The following EIF3E variants were observed in gnomAD, a reference collection of about 807,000 sequenced individuals.
EIF3E encodes eIF-3 p48.
In EIF3E, 25 loss-of-function variants were observed where a neutral mutation model predicts 59.3. That is an observed-to-expected ratio of 0.42 (90% CI 0.31 to 0.59). The LOEUF is 0.59. Among genes scored for constraint, EIF3E ranks in the 20% least tolerant of loss-of-function variants. The pLI is 0.15. For missense variants in EIF3E, 317 were observed against 534.3 expected (o/e 0.59, Z 4.01); for synonymous variants, 176 against 170.2 (o/e 1.03, Z -0.26).
chr8:108,214,841 TAGAAC>T, intron 9 of EIF3E, 125 bp from the exon 10 acceptor site: 4 of 748,912 alleles, frequency 5.3e-6, no homozygotes, highest in Non-Finnish European at 8.7e-6. Context: ...CAGCACTTTC[TAGAAC>T]ACTGTGTTCA....
At chr8:108,238,566 AT>A (rs761047568) in intron 3 of EIF3E, among the ~76,000 whole-genome samples, 16 of 152,136 alleles carry the variant, frequency 1.1e-4, no homozygotes, top group Non-Finnish European at 2.1e-4. Context: ...TTCCCTGAAT[AT>A]TTTCAATCTG....
At chr8:108,223,556 G>T (rs637626) in intron 7 of EIF3E, among the ~76,000 whole-genome samples, 76,265 of 151,964 alleles carry the variant, frequency 0.5, 19,189 homozygotes, top group African/African-American at 0.58. Flanking sequence ...TATTTTTATT[G>T]AGAAAACAAA....
intron 10 of EIF3E, among the ~76,000 whole-genome samples, 172 bp from the exon 11 acceptor site, chr8:108,203,675 G>C: frequency 6.6e-6 from 1 of 151,990 alleles, no homozygotes; most frequent in East Asian, 1.9e-4. Context: ...TGTGCCTATT[G>C]ACTTGTACTA....
intron 7 of EIF3E, among the ~76,000 whole-genome samples, chr8:108,219,031 T>A (rs185518726): frequency 6.6e-6 from 1 of 152,256 alleles, no homozygotes; most frequent in African/African-American, 2.4e-5. Context: ...GTGACCTGCC[T>A]GCCTTGGCCT....
chr8:108,246,482 T>G (rs927189492), intron 1 of EIF3E, among the ~76,000 whole-genome samples: 1 of 152,196 alleles, frequency 6.6e-6, no homozygotes. Flanking sequence ...AACATTCAAC[T>G]CTAAAGGATA....
chr8:108,206,633 G>GACACACACAC (rs148591843), intron 10 of EIF3E, among the ~76,000 whole-genome samples: 1 of 150,756 alleles, frequency 6.6e-6, no homozygotes, highest in South Asian at 2.1e-4. Context: ...TGGTCGCACA[G>GACACACACAC]ACACACACAC....
At chr8:108,232,701 G>T (rs995621383) in intron 5 of EIF3E, among the ~76,000 whole-genome samples, 21 of 152,032 alleles carry the variant, frequency 1.4e-4, no homozygotes, top group Admixed American at 9.2e-4. Context: ...ATCCTCAAAA[G>T]GTTCATGTGT....
chr8:108,248,512 G>T (rs551906909), intron 1 of EIF3E, 101 bp downstream of exon 1: 2 of 1,165,048 alleles, frequency 1.7e-6, no homozygotes, highest in South Asian at 1.4e-5. Flanking sequence ...ACTCGCGACC[G>T]CCTCGCACGT....
chr8:108,216,696 T>G (rs1184170852), intron 8 of EIF3E, among the ~76,000 whole-genome samples, 183 bp from the exon 9 acceptor site: 1 of 152,168 alleles, frequency 6.6e-6, no homozygotes, highest in Non-Finnish European at 1.5e-5. Context: ...GCTTATTATG[T>G]CTTTCAAACC....
intron 8 of EIF3E, 24 bp downstream of exon 8, chr8:108,217,310 A>T (rs762447946): frequency 6.7e-7 from 1 of 1,499,704 alleles, no homozygotes; most frequent in South Asian, 1.3e-5. Context: ...TAAAAAAAAA[A>T]ATCAATATAT....
intron 5 of EIF3E, among the ~76,000 whole-genome samples, chr8:108,230,702 CA>C (rs970815294): frequency 3.2e-4 from 49 of 152,064 alleles, no homozygotes; most frequent in African/African-American, 1.2e-3. Context: ...ATCCACAATA[CA>C]ACTTGTACAT....
chr8:108,221,220 A>G (rs933907288), intron 7 of EIF3E, among the ~76,000 whole-genome samples: 2 of 152,198 alleles, frequency 1.3e-5, no homozygotes, highest in African/African-American at 4.8e-5. Flanking sequence ...AAGTGCAGTG[A>G]AATGATCACT....
At chr8:108,241,998 A>T in intron 1 of EIF3E, 85 bp from the exon 2 acceptor site, 2 of 1,212,594 alleles carry the variant, frequency 1.6e-6, no homozygotes, top group Non-Finnish European at 2.3e-6. Flanking sequence ...ACCTGGAAAT[A>T]TATTTCAAGA....
At chr8:108,203,375 T>A (rs184968524) in intron 11 of EIF3E, 26 bp downstream of exon 11, 1 of 1,579,440 alleles carries the variant, frequency 6.3e-7, no homozygotes, top group Admixed American at 1.7e-5. Flanking sequence ...ACTGATAGTA[T>A]GTAGCATAGC....
rs1036384795 is a variant in EIF3E at position 108,231,233 on chromosome 8, G to A, written c.472-2038C>T. On this transcript the variant is annotated intron_variant, in intron 5 of 12. Coordinates refer to ENST00000220849, the MANE Select transcript of EIF3E (RefSeq NM_001568.3). ...TATCTGAATATAAAAATATATCATC[G>A]AGTCAAAAATGCCATCAATTTTAAC... Among the ~76,000 whole-genome samples the A allele has an allele frequency of 3.3e-5, 5 of 151,864 alleles. No homozygotes were observed. In the South Asian group the frequency reaches 6.3e-4, roughly 19 times the overall value.
At chr8:108,208,122 T>C (rs185659797) in intron 10 of EIF3E, among the ~76,000 whole-genome samples, 94 of 152,258 alleles carry the variant, frequency 6.2e-4, no homozygotes, top group African/African-American at 2.2e-3. Context: ...AACCCTCCCA[T>C]AGCCACCATC....
intron 5 of EIF3E, among the ~76,000 whole-genome samples, chr8:108,229,601 A>G (rs1407804774): frequency 6.6e-6 from 1 of 152,134 alleles, no homozygotes; most frequent in Non-Finnish European, 1.5e-5. Context: ...AGTCTCATTT[A>G]CAATGTAATG....
chr8:108,224,079 A>G (rs1815473777), intron 7 of EIF3E, among the ~76,000 whole-genome samples: 1 of 150,346 alleles, frequency 6.7e-6, no homozygotes, highest in Admixed American at 6.6e-5. Context: ...AAAAGTAGCC[A>G]GGCGTGGTGG....
chr8:108,242,301 A>T (rs1433938541), intron 1 of EIF3E: 1 of 1,290,298 alleles, frequency 7.8e-7, no homozygotes, highest in African/African-American at 1.5e-5. Flanking sequence ...CCAGGTAATC[A>T]GTAATAAACT....
Sources: allele counts gnomAD v4.1 joint callset (sites outside exome capture counted in the v4.1 genomes callset), GRCh38; gene constraint gnomAD v4.1.1; transcripts MANE v1.5; gene names NCBI Gene and HGNC (gene_info 2026-07-23, HGNC 2026-07-21).